The following SLC25A30 variants were observed in gnomAD, a reference collection of about 807,000 sequenced individuals.
SLC25A30 encodes the protein kidney mitochondrial carrier protein 1.
SLC25A30 carries 29 observed loss-of-function variants against 42.7 expected under a neutral mutation model. The observed-to-expected ratio is 0.68, with a 90% CI of 0.51 to 0.93. SLC25A30 has a LOEUF of 0.93. SLC25A30 is among the 40% of genes least tolerant of loss of function. The pLI is 0.00. For missense variants in SLC25A30, 300 were observed against 359.7 expected, an observed-to-expected ratio of 0.83 and a Z score of 1.34; for synonymous variants, 124 against 131.0, an observed-to-expected ratio of 0.95 and a Z score of 0.37.
the SLC25A30 span, among the ~76,000 whole-genome samples, chr13:45,428,772 C>T: frequency 6.6e-6 from 1 of 151,912 alleles, no homozygotes; most frequent in African/African-American, 2.4e-5. Flanking sequence ...CTGCCCACCT[C>T]AGCCTCCCAA....
At chr13:45,425,139 T>TATATATGTATATATAC in the SLC25A30 span, among the ~76,000 whole-genome samples, 1 of 88,476 alleles carries the variant, frequency 1.1e-5, no homozygotes. Context: ...AGTATATAAA[T>TATATATGTATATATAC]ATATATAAAT....
the SLC25A30 span, among the ~76,000 whole-genome samples, chr13:45,425,175 T>G: frequency 2.1e-5 from 2 of 97,408 alleles, 1 homozygote; most frequent in East Asian, 5.2e-4. Flanking sequence ...TATAAGTATA[T>G]AAATATATAT....
intron 1 of SLC25A30, among the ~76,000 whole-genome samples, chr13:45,417,340 T>C (rs1883623235): frequency 6.6e-6 from 1 of 152,216 alleles, no homozygotes; most frequent in Non-Finnish European, 1.5e-5. Flanking sequence ...TGGTAAGTTC[T>C]TTCAGTTTTA....
intron 9 of SLC25A30, chr13:45,396,351 C>T: frequency 8.7e-7 from 1 of 1,147,528 alleles, no homozygotes; most frequent in East Asian, 4.8e-5. Flanking sequence ...AGAGAGTTAG[C>T]AAGCCCTGGG....
chr13:45,423,564 T>C, the SLC25A30 span, among the ~76,000 whole-genome samples: 256 of 100,614 alleles, frequency 2.5e-3, 26 homozygotes, highest in African/African-American at 8.8e-3. Context: ...AAAAAAAATA[T>C]ATAAATATAT....
upstream of SLC25A30, among the ~76,000 whole-genome samples, chr13:45,421,379 C>CAA (rs368665089): frequency 2.7e-3 from 222 of 83,120 alleles, 1 homozygote; most frequent in African/African-American, 6.3e-3. Context: ...ACTCCATCTC[C>CAA]AAAAAAAAAA....
chr13:45,402,376 G>A lies in SLC25A30; in HGVS notation c.394-6C>T. Reference sequence around the variant, plus strand: ...CTTTGCGCTTGCATCCGAATCTAGAGATTATTTTAAAGACCAACATCAGAA... The same window carrying A: ...CTTTGCGCTTGCATCCGAATCTAGAAATTATTTTAAAGACCAACATCAGAA... On this transcript the variant is annotated splice_polypyrimidine_tract_variant and splice_region_variant and intron_variant, in intron 5 of 9. Coordinates refer to ENST00000519676, the MANE Select transcript of SLC25A30 (RefSeq NM_001010875.4). 3 of 1,612,056 alleles carry A rather than the reference G, an allele frequency of 1.9e-6. No individual in the cohort carries two copies. The highest frequency in any genetic ancestry group is 2.5e-6 in the Non-Finnish European group (3 of 1,178,274).
upstream of SLC25A30, among the ~76,000 whole-genome samples, chr13:45,423,386 T>C (rs188782868): frequency 2.0e-5 from 3 of 149,720 alleles, no homozygotes; most frequent in East Asian, 1.9e-4. Flanking sequence ...AATTTTACGT[T>C]ACTCTCTGCA....
chr13:45,423,805 T>TAAAAATATATAA, the SLC25A30 span, among the ~76,000 whole-genome samples: 1 of 65,274 alleles, frequency 1.5e-5, no homozygotes, highest in Non-Finnish European at 2.8e-5. Context: ...TATATATTTA[T>TAAAAATATATAA]ATATATAAAA....
At position 45,397,238 on chromosome 13, in the gene SLC25A30, A is replaced by G. The variant is rs768080916; in HGVS notation, c.834+20T>C. ...TTTAGCTGTATCTTTTTTCAGATCT[A>G]TTGCAACAGAAAAGGATACAATGAT... On this transcript the variant is annotated intron_variant, in intron 9 of 9. Coordinates refer to ENST00000519676, the MANE Select transcript of SLC25A30 (RefSeq NM_001010875.4). The G allele has an allele frequency of 5.9e-6, 9 of 1,524,054 alleles. No homozygotes were observed. Among genetic ancestry groups the G allele is most frequent in the Non-Finnish European group, 8.2e-6 (9 of 1,102,282 alleles). The allele number at this position is 1,524,054 out of a possible 1,614,324, so 94.4% of individuals were successfully genotyped here.
At chr13:45,415,811 T>C (rs1302947507) in intron 1 of SLC25A30, among the ~76,000 whole-genome samples, 5 of 146,218 alleles carry the variant, frequency 3.4e-5, no homozygotes, top group Non-Finnish European at 6.1e-5. Context: ...TTTTTTTTTT[T>C]TTTTTTGAGA....
the SLC25A30 span, among the ~76,000 whole-genome samples, chr13:45,424,809 A>AATATATATACATATATAT: frequency 3.5e-5 from 2 of 56,500 alleles, no homozygotes; most frequent in African/African-American, 1.5e-4. Context: ...AATATATAAA[A>AATATATATACATATATAT]AAATATAAAT....
At chr13:45,423,730 A>G in the SLC25A30 span, among the ~76,000 whole-genome samples, 1 of 68,662 alleles carries the variant, frequency 1.5e-5, no homozygotes, top group Non-Finnish European at 2.3e-5. Flanking sequence ...AAATATATAT[A>G]AATATATATA....
chr13:45,398,729 C>A, intron 8 of SLC25A30: 1 of 413,550 alleles, frequency 2.4e-6, no homozygotes, highest in South Asian at 4.4e-5. Context: ...GAAATATTTC[C>A]TCACCTTTCA....
the SLC25A30 span, among the ~76,000 whole-genome samples, chr13:45,424,506 AAT>A: frequency 1.4e-4 from 7 of 49,696 alleles, 1 homozygote; most frequent in African/African-American, 6.1e-4. Flanking sequence ...AATATATAAA[AAT>A]ATATATAAAT....
chr13:45,431,790 A>G, the SLC25A30 span, among the ~76,000 whole-genome samples: 1 of 152,078 alleles, frequency 6.6e-6, no homozygotes, highest in East Asian at 1.9e-4. Flanking sequence ...GGCAACTCAA[A>G]CTTAGTACAC....
At chr13:45,407,987 C>T (rs553706600) in intron 3 of SLC25A30, among the ~76,000 whole-genome samples, 1 of 152,306 alleles carries the variant, frequency 6.6e-6, no homozygotes, top group African/African-American at 2.4e-5. Context: ...TTCTAGTGCT[C>T]CCTGTCTCTT....
chr13:45,426,161 A>T, the SLC25A30 span, among the ~76,000 whole-genome samples: 1 of 151,702 alleles, frequency 6.6e-6, no homozygotes, highest in Admixed American at 6.6e-5. Flanking sequence ...ATCTCGGCTC[A>T]CTGCAACCTC....
At chr13:45,429,373 CA>C in the SLC25A30 span, among the ~76,000 whole-genome samples, 2 of 152,006 alleles carry the variant, frequency 1.3e-5, no homozygotes, top group Non-Finnish European at 2.9e-5. Flanking sequence ...CCGACAGGTG[CA>C]AGCTCTTAAA....
Sources: gnomAD v4.1 joint callset for allele counts (sites outside exome capture counted in the v4.1 genomes callset) on GRCh38, gnomAD v4.1.1 for gene constraint, MANE v1.5 for transcripts, NCBI Gene and HGNC (gene_info 2026-07-23, HGNC 2026-07-21) for gene names.